Variants in TBC1D5 observed in about 807,000 individuals in gnomAD.
TBC1D5 encodes the protein TBC1 domain family, member 5.
A neutral mutation model predicts 100.3 loss-of-function variants in TBC1D5; 75 were observed. The ratio of observed to expected loss-of-function variants is 0.75; its 90% CI spans 0.62 to 0.91. The LOEUF is 0.91. TBC1D5 is among the 40% of genes least tolerant of loss of function. The pLI is 0.00. For synonymous variants in TBC1D5, 323 were observed against 325.6 expected (o/e 0.99, Z 0.09); for missense variants, 910 against 942.4 (o/e 0.97, Z 0.45).
In TBC1D5 at chr3:17,690,351, G is replaced by GGC. The variant is rs2070960478; in HGVS notation, c.-101+48991_-101+48992insGC. Reference sequence around the variant, plus strand: ...CCCGCCTCAGCCTCCCAAGTAGCTGGGACTACAGGCGCCCGCCACTACGCC... The same window carrying GGC: ...CCCGCCTCAGCCTCCCAAGTAGCTGGGCGACTACAGGCGCCCGCCACTACGCC... On this transcript the variant is annotated intron_variant, in intron 1 of 21. Coordinates refer to ENST00000253692, the Ensembl canonical transcript of TBC1D5. Among the ~76,000 whole-genome samples the GGC allele has an allele frequency of 2.4e-5, 2 of 81,778 alleles. 1 individual carries two copies. Among genetic ancestry groups the GGC allele is most frequent in the Non-Finnish European group, 4.9e-5 (2 of 40,732 alleles). The allele number at this position is 81,778 out of a possible 152,430, so 53.6% of individuals were successfully genotyped here. A position where few individuals can be genotyped will look rare whatever the true frequency, so the allele number is the denominator to read the frequency against.
intron 1 of TBC1D5, among the ~76,000 whole-genome samples, chr3:17,732,004 C>G (rs193279459): frequency 6.6e-6 from 1 of 152,186 alleles, no homozygotes; most frequent in East Asian, 1.9e-4. Context: ...GGGAGGAAAT[C>G]AGGTTGGAGG....
At chr3:17,467,571 A>G (rs185602551) in intron 3 of TBC1D5, among the ~76,000 whole-genome samples, 1 of 152,096 alleles carries the variant, frequency 6.6e-6, no homozygotes, top group Non-Finnish European at 1.5e-5. Flanking sequence ...CATTTACTCA[A>G]CACTACAGAA....
chr3:17,236,829 A>T (rs2075896599), intron 17 of TBC1D5, among the ~76,000 whole-genome samples: 1 of 152,184 alleles, frequency 6.6e-6, no homozygotes, highest in Admixed American at 6.5e-5. Context: ...TTAAATATGA[A>T]TTATATAAAA....
chr3:17,286,855 A>C (rs2081239442), intron 15 of TBC1D5, among the ~76,000 whole-genome samples: 1 of 152,200 alleles, frequency 6.6e-6, no homozygotes, highest in Non-Finnish European at 1.5e-5. Flanking sequence ...TGTGACCTTG[A>C]ATAAGTCTCT....
intron 2 of TBC1D5, among the ~76,000 whole-genome samples, chr3:17,612,250 T>C (rs1010308249): frequency 6.8e-6 from 1 of 147,382 alleles, no homozygotes; most frequent in Non-Finnish European, 1.5e-5. Context: ...CAGTATGCCA[T>C]GATTGTGCCA....
In TBC1D5 at chr3:17,186,710, C is replaced by CAAAAAAAAAAAAAAAAAAAAAAAAA. The variant is rs58438478; in HGVS notation, c.1753-1527_1753-1503dup. 4.0e-4 allele frequency among the ~76,000 whole-genome samples: 11 copies of CAAAAAAAAAAAAAAAAAAAAAAAAA among 27,280 alleles called. 1 individual carries two copies. The highest frequency in any genetic ancestry group is 8.7e-4 in the Admixed American group (1 of 1,156). 17.9% of individuals were successfully genotyped at this position (27,280 alleles called of 152,430 possible). On this transcript the variant is annotated intron_variant, in intron 18 of 21. Coordinates refer to ENST00000253692, the Ensembl canonical transcript of TBC1D5. ...GGGCGACAGAGCAAAACTCTATCTCCAAAAAAAAAAAAAAAAAAAAAAAAA... is the reference window on the plus strand; with the variant it reads ...GGGCGACAGAGCAAAACTCTATCTCCAAAAAAAAAAAAAAAAAAAAAAAAAAAAAAAAAAAAAAAAAAAAAAAAAA...
At chr3:17,363,576 ATTTTT>A (rs1291355147) in intron 13 of TBC1D5, among the ~76,000 whole-genome samples, 1 of 135,336 alleles carries the variant, frequency 7.4e-6, no homozygotes, top group Non-Finnish European at 1.6e-5. Context: ...TTCTTTTTTT[ATTTTT>A]ATTTTTTGGG....
At chr3:17,507,923 T>C (rs1238752694) in intron 3 of TBC1D5, among the ~76,000 whole-genome samples, 1 of 152,100 alleles carries the variant, frequency 6.6e-6, no homozygotes, top group Non-Finnish European at 1.5e-5. Context: ...TTTTATAGGG[T>C]AGAACCTGAA....
At chr3:17,419,150 A>G (rs2094150891) in intron 4 of TBC1D5, among the ~76,000 whole-genome samples, 1 of 152,216 alleles carries the variant, frequency 6.6e-6, no homozygotes, top group South Asian at 2.1e-4. Flanking sequence ...TTATACACAT[A>G]CGTCTGTAAC....
At chr3:17,262,287 T>C (rs765032803) in intron 15 of TBC1D5, among the ~76,000 whole-genome samples, 18 of 152,204 alleles carry the variant, frequency 1.2e-4, no homozygotes, top group Non-Finnish European at 2.6e-4. Context: ...TACAACACAG[T>C]GGTATTTGTG....
Position 17,733,758 on chromosome 3 carries a change from C to G in TBC1D5, c.-101+5585G>C, listed in dbSNP as rs546199436. Among the ~76,000 whole-genome samples, 10 of 151,694 alleles carry G rather than the reference C, an allele frequency of 6.6e-5. No homozygotes were observed. The East Asian group carries it at 1.8e-3, about 27-fold the overall frequency. ...ACAACTTCCGTAAGTCAAAATTAAT[C>G]ATGAAAAAACCCTTAAAAAAAATGG... On this transcript the variant is annotated intron_variant, in intron 1 of 21. Transcript: ENST00000253692.
At chr3:17,449,364 C>G (rs1461564645) in intron 3 of TBC1D5, among the ~76,000 whole-genome samples, 1 of 152,158 alleles carries the variant, frequency 6.6e-6, no homozygotes, top group Non-Finnish European at 1.5e-5. Flanking sequence ...CTAGTGGCAC[C>G]TGGAATGCCA....
chr3:17,343,788 G>A (rs563169554), intron 13 of TBC1D5, among the ~76,000 whole-genome samples: 1 of 152,148 alleles, frequency 6.6e-6, no homozygotes, highest in Non-Finnish European at 1.5e-5. Context: ...ATGGTAGGTT[G>A]TATTTCTGTG....
chr3:17,177,265 G>A (rs1218340160), intron 19 of TBC1D5, among the ~76,000 whole-genome samples: 1 of 152,348 alleles, frequency 6.6e-6, no homozygotes, highest in Non-Finnish European at 1.5e-5. Flanking sequence ...ATCCTGGCCT[G>A]AAGAGGGATA....
intron 8 of TBC1D5, among the ~76,000 whole-genome samples, chr3:17,392,246 T>C (rs1465901673): frequency 6.6e-6 from 1 of 152,064 alleles, no homozygotes; most frequent in African/African-American, 2.4e-5. Flanking sequence ...TGGCATAAAA[T>C]TGAATTTACT....
intron 1 of TBC1D5, among the ~76,000 whole-genome samples, chr3:17,640,101 G>A (rs2064350037): frequency 6.6e-6 from 1 of 151,982 alleles, no homozygotes. Context: ...ATAATACAGA[G>A]GATGCAAGGT....
At chr3:17,251,207 G>GT (rs1004975069) in intron 16 of TBC1D5, among the ~76,000 whole-genome samples, 4 of 150,148 alleles carry the variant, frequency 2.7e-5, no homozygotes, top group Admixed American at 2.7e-4. Context: ...TTTATCTGTG[G>GT]TAAAAAAAAA....
intron 3 of TBC1D5, among the ~76,000 whole-genome samples, chr3:17,498,453 G>A (rs1448722594): frequency 6.6e-6 from 1 of 152,154 alleles, no homozygotes; most frequent in African/African-American, 2.4e-5. Flanking sequence ...TATTATCAAA[G>A]CTTTCGGTGA....
intron 1 of TBC1D5, among the ~76,000 whole-genome samples, chr3:17,696,993 A>G (rs1236616057): frequency 6.6e-6 from 1 of 152,262 alleles, no homozygotes; most frequent in Non-Finnish European, 1.5e-5. Flanking sequence ...AACAGAACCA[A>G]TGATAAAAAC....
Sources: gnomAD v4.1 joint callset for allele counts (sites outside exome capture counted in the v4.1 genomes callset) on GRCh38, gnomAD v4.1.1 for gene constraint, MANE v1.5 for transcripts, NCBI Gene and HGNC (gene_info 2026-07-23, HGNC 2026-07-21) for gene names.